DCC: variants seen among roughly 807,000 people sequenced by gnomAD.
DCC encodes the protein netrin receptor DCC.
A neutral mutation model predicts 172.5 loss-of-function variants in DCC; 58 were observed. The observed-to-expected ratio is 0.34, with a 90% CI of 0.27 to 0.42. The LOEUF (loss-of-function observed/expected upper bound fraction) is 0.42, where lower values mean the gene tolerates loss of function less well. Among genes scored for constraint, DCC ranks in the 10% least tolerant of loss-of-function variants. The probability of loss-of-function intolerance (pLI) is 1.00; values close to 1 mark genes in which losing one functional copy is unlikely to be tolerated. For missense variants in DCC, 1,740 were observed against 1,791.0 expected (o/e 0.97, Z 0.51); for synonymous variants, 709 against 644.5 (o/e 1.10, Z -1.52).
At chr18:52,697,263 G>C (rs2145025568) in intron 1 of DCC, among the ~76,000 whole-genome samples, 1 of 152,180 alleles carries the variant, frequency 6.6e-6, no homozygotes, top group South Asian at 2.1e-4. Context: ...CAAATACAAA[G>C]ACACACACAC....
At chr18:52,494,743 A>G (rs1311518439) in intron 1 of DCC, among the ~76,000 whole-genome samples, 2 of 151,984 alleles carry the variant, frequency 1.3e-5, no homozygotes, top group Non-Finnish European at 2.9e-5. Flanking sequence ...CTTTTCTTGT[A>G]TGTATTTGAT....
At chr18:53,342,897 GT>G (rs1261686856) in intron 15 of DCC, among the ~76,000 whole-genome samples, 2 of 124,262 alleles carry the variant, frequency 1.6e-5, no homozygotes, top group Non-Finnish European at 3.7e-5. Context: ...AAATAGAACT[GT>G]TTTTAAAATT....
intron 1 of DCC, among the ~76,000 whole-genome samples, chr18:52,480,523 A>G (rs1028360425): frequency 1.3e-5 from 2 of 152,238 alleles, no homozygotes; most frequent in Non-Finnish European, 2.9e-5. Flanking sequence ...GAGTTTGTGC[A>G]TGCCACTTTG....
Position 53,113,212 on chromosome 18 carries a change from ATATT to A in DCC, c.1262-44140_1262-44137del, listed in dbSNP as rs200812210. Among the ~76,000 whole-genome samples, 392 of 151,658 alleles carry A rather than the reference ATATT, an allele frequency of 2.6e-3. 13 individuals carry two copies. In the East Asian group the frequency reaches 0.07, roughly 27 times the overall value. On this transcript the variant is annotated intron_variant, in intron 7 of 28. Transcript: ENST00000442544. ...TGATGTATATTTTATTGTTTTTAAAATATTTATATGGGATGAAAATTCAGTGAAT... is the reference window on the plus strand; with the variant it reads ...TGATGTATATTTTATTGTTTTTAAAATATATGGGATGAAAATTCAGTGAAT...
chr18:52,843,649 C>T (rs928152603), intron 2 of DCC, among the ~76,000 whole-genome samples: 4 of 152,066 alleles, frequency 2.6e-5, no homozygotes, highest in Non-Finnish European at 5.9e-5. Flanking sequence ...GAAAGTAAAT[C>T]TCACATCATT....
intron 7 of DCC, among the ~76,000 whole-genome samples, chr18:53,097,227 A>G (rs978280390): frequency 5.3e-5 from 8 of 152,302 alleles, no homozygotes; most frequent in Non-Finnish European, 1.0e-4. Context: ...AGTTTTCTCC[A>G]TCTTTAAAGC....
At chr18:52,850,106 T>C (rs1173488608) in intron 2 of DCC, among the ~76,000 whole-genome samples, 2 of 152,224 alleles carry the variant, frequency 1.3e-5, no homozygotes, top group Non-Finnish European at 2.9e-5. Context: ...ATCCCGAGGC[T>C]GTTAAGCTAC....
chr18:53,091,817 A>ATCTG (rs2043013476), intron 7 of DCC, among the ~76,000 whole-genome samples: 2 of 69,968 alleles, frequency 2.9e-5, no homozygotes, highest in South Asian at 8.7e-4. Context: ...ACATATATCT[A>ATCTG]TCTATCTATC....
At chr18:52,395,675 C>G (rs1388952951) in intron 1 of DCC, among the ~76,000 whole-genome samples, 1 of 152,056 alleles carries the variant, frequency 6.6e-6, no homozygotes, top group Non-Finnish European at 1.5e-5. Flanking sequence ...CTCTACCCAG[C>G]TATTCTGAGC....
At chr18:52,986,390 A>C (rs2041293355) in intron 5 of DCC, among the ~76,000 whole-genome samples, 1 of 152,078 alleles carries the variant, frequency 6.6e-6, no homozygotes, top group South Asian at 2.1e-4. Flanking sequence ...AGACTTTCCT[A>C]TTTTCCTGCC....
At chr18:52,624,568 T>A (rs1359906154) in intron 1 of DCC, among the ~76,000 whole-genome samples, 1 of 152,228 alleles carries the variant, frequency 6.6e-6, no homozygotes, top group Non-Finnish European at 1.5e-5. Context: ...TTCAGTGGTA[T>A]TACAATCACA....
chr18:52,768,760 G>A (rs1599090787), intron 2 of DCC, among the ~76,000 whole-genome samples: 1 of 152,224 alleles, frequency 6.6e-6, no homozygotes, highest in Non-Finnish European at 1.5e-5. Flanking sequence ...TTAGCATAGG[G>A]AGGTTTTCAG....
intron 15 of DCC, among the ~76,000 whole-genome samples, chr18:53,351,474 A>ATATATG: frequency 1.6e-5 from 1 of 64,144 alleles, no homozygotes; most frequent in South Asian, 4.2e-4. Flanking sequence ...GTGTATATAT[A>ATATATG]TATATATATA....
At chr18:52,844,939 G>GA (rs1474685569) in intron 2 of DCC, among the ~76,000 whole-genome samples, 2 of 152,212 alleles carry the variant, frequency 1.3e-5, no homozygotes, top group Non-Finnish European at 2.9e-5. Flanking sequence ...ACAACTATGG[G>GA]AAATATTCTT....
chr18:53,078,836 T>G (rs1284708168), intron 7 of DCC, among the ~76,000 whole-genome samples: 4 of 152,098 alleles, frequency 2.6e-5, no homozygotes, highest in South Asian at 2.1e-4. Context: ...GTGAGAAAAT[T>G]CACTTGAAAT....
chr18:52,718,770 T>C (rs887886185), intron 1 of DCC, among the ~76,000 whole-genome samples: 2 of 152,174 alleles, frequency 1.3e-5, no homozygotes, highest in Admixed American at 6.5e-5. Context: ...TTATAGACAA[T>C]GTTTATTAAA....
chr18:52,709,047 G>A (rs961894819), intron 1 of DCC, among the ~76,000 whole-genome samples: 20 of 151,862 alleles, frequency 1.3e-4, no homozygotes, highest in Non-Finnish European at 1.6e-4. Flanking sequence ...CTTCTTTTTC[G>A]CTACCTCCAT....
At chr18:53,459,180 A>G (rs1036827109) in intron 23 of DCC, 52 bp from the exon 24 acceptor site, 17 of 1,341,514 alleles carry the variant, frequency 1.3e-5, no homozygotes, top group South Asian at 2.3e-5. Context: ...GAAAGAAAGG[A>G]AGTGCCATTG....
chr18:53,060,190 T>C (rs1358479295), intron 5 of DCC, among the ~76,000 whole-genome samples: 1 of 151,798 alleles, frequency 6.6e-6, no homozygotes, highest in Non-Finnish European at 1.5e-5. Flanking sequence ...GTTGCTGTTG[T>C]TGTTGTTGTT....
Sources: allele counts gnomAD v4.1 joint callset (sites outside exome capture counted in the v4.1 genomes callset), GRCh38; gene constraint gnomAD v4.1.1; transcripts MANE v1.5; gene names NCBI Gene and HGNC (gene_info 2026-07-23, HGNC 2026-07-21).